SERPINB5: variants seen among roughly 807,000 people sequenced by gnomAD.
SERPINB5 encodes the protein serpin family B member 5, also known as serpin B5.
Under a neutral mutation model 32.2 loss-of-function variants are expected in SERPINB5, and 27 were observed. That is an observed-to-expected ratio of 0.84 (90% CI 0.62 to 1.16). The LOEUF (loss-of-function observed/expected upper bound fraction) is 1.16. Ranked by LOEUF, SERPINB5 falls within the 50% of genes most tolerant of loss-of-function variation. SERPINB5 has a pLI of 0.00. For missense variants in SERPINB5, 388 were observed against 436.3 expected (o/e 0.89, Z 0.99); for synonymous variants, 154 against 157.4 (o/e 0.98, Z 0.16).
chr18:63,490,776 A>C (rs1568110098), intron 4 of SERPINB5: 1 of 152,330 alleles, frequency 6.6e-6, no homozygotes. Context: ...CAATTTACTG[A>C]ACTGTAAAAT....
At chr18:63,487,515 G>A (rs1917234836) in intron 3 of SERPINB5, among the ~76,000 whole-genome samples, 1 of 152,136 alleles carries the variant, frequency 6.6e-6, no homozygotes, top group South Asian at 2.1e-4. Flanking sequence ...CATTTTTTAT[G>A]CACACATTCT....
rs1331733824 is a variant in SERPINB5, at chr18:63,503,457, TG to T, written c.865del (p.Glu289LysfsTer3). On this transcript the variant is annotated frameshift_variant, in exon 7 of 7. Coordinates refer to ENST00000382771, the MANE Select transcript of SERPINB5 (RefSeq NM_002639.5). LOFTEE classifies it high-confidence loss of function. Reference protein sequence around the residue: ...VEKMIDPKACLENLGLKHIFS... With the variant: ...VEKMIDPKACXENLGLKHIFS... ...AAGATGATTGATCCCAAGGCTTGTC[TG>T]GAAAATCTAGGGCTGAAACATATCT... The T allele has an allele frequency of 1.5e-5, 24 of 1,614,138 alleles. No individual in the cohort carries two copies. The highest frequency in any genetic ancestry group is 1.9e-5 in the Non-Finnish European group (23 of 1,180,058).
chr18:63,498,856 AGT>A lies in SERPINB5; in HGVS notation c.568-259_568-258del, dbSNP rs55681935. ...TATATATATATAGTATGTATATATA[AGT>A]GTGTATATATAGGTGTGTGTATATG... On this transcript the variant is annotated intron_variant, in intron 5 of 6. Coordinates refer to ENST00000382771, the MANE Select transcript of SERPINB5 (RefSeq NM_002639.5). This position sits in a 1 kb window ranked among gnomAD's most constrained non-coding sequence, Gnocchi z 4.2. 3.3e-5 allele frequency among the ~76,000 whole-genome samples: 5 copies of A among 149,428 alleles called. No individual in the cohort carries two copies. The highest frequency in any genetic ancestry group is 2.0e-4 in the East Asian group (1 of 5,106).
intron 1 of SERPINB5, among the ~76,000 whole-genome samples, chr18:63,481,606 T>G (rs536767631): frequency 6.6e-6 from 1 of 152,366 alleles, no homozygotes; most frequent in East Asian, 1.9e-4. Context: ...AACTCATTAC[T>G]TCTTGTACAT....
chr18:63,502,367 C>T (rs1367417234), intron 6 of SERPINB5, among the ~76,000 whole-genome samples: 1 of 152,040 alleles, frequency 6.6e-6, no homozygotes, highest in Non-Finnish European at 1.5e-5. Flanking sequence ...GATCTCCTGA[C>T]CTCGTGATCC....
At chr18:63,486,478 T>C (rs1195622366) in intron 2 of SERPINB5, among the ~76,000 whole-genome samples, 1 of 152,230 alleles carries the variant, frequency 6.6e-6, no homozygotes, top group Non-Finnish European at 1.5e-5. Context: ...GGTCTTTGAA[T>C]TGGATAGAAA....
At position 63,503,588 on chromosome 18, in the gene SERPINB5, G is replaced by A. The variant is rs149353823; in HGVS notation, c.994G>A (p.Asp332Asn). 1 of 1,614,244 alleles carries A rather than the reference G, an allele frequency of 6.2e-7. No homozygotes were observed. The highest frequency in any genetic ancestry group is 1.7e-5 in the Admixed American group (1 of 60,030). Residue 332 changes from aspartate (D) to asparagine (N), a missense_variant, in exon 7 of 7, where the codon GAT becomes AAT. Asp to Asn is a conservative substitution (Grantham distance 23). Coordinates refer to ENST00000382771, the MANE Select transcript of SERPINB5 (RefSeq NM_002639.5). ...CTTAGAAATAACTGAAGATGGTGGG[G>A]ATTCCATAGAGGTGCCAGGAGCACG... is the stretch of plus-strand genomic sequence containing the variant. ...VCLEITEDGG[D>N]SIEVPGARIL...
chr18:63,481,900 G>T (rs1434217308), intron 1 of SERPINB5, among the ~76,000 whole-genome samples: 4 of 152,166 alleles, frequency 2.6e-5, no homozygotes, highest in African/African-American at 9.7e-5. Flanking sequence ...AGGGGAGAAG[G>T]AGTAAGGTTG....
chr18:63,503,961 T>G lies in SERPINB5; in HGVS notation c.*239T>G. The G allele has an allele frequency of 2.0e-6, 1 of 498,752 alleles. No homozygotes were observed. The highest frequency in any genetic ancestry group is 3.6e-5 in the East Asian group (1 of 28,008). The allele number at this position is 498,752 out of a possible 1,614,324, so 30.9% of individuals were successfully genotyped here. On this transcript the variant is annotated 3_prime_UTR_variant, in exon 7 of 7. Coordinates refer to ENST00000382771, the MANE Select transcript of SERPINB5 (RefSeq NM_002639.5). Reference sequence around the variant, plus strand: ...GACATACGCTTTTAATGAAAAGGAATCACGTTAGAGGAAAAATATTTATTC... The same window carrying G: ...GACATACGCTTTTAATGAAAAGGAAGCACGTTAGAGGAAAAATATTTATTC...
At chr18:63,490,896 G>A (rs1909319554) in intron 4 of SERPINB5, among the ~76,000 whole-genome samples, 1 of 152,112 alleles carries the variant, frequency 6.6e-6, no homozygotes, top group African/African-American at 2.4e-5. Flanking sequence ...CTCTTTAGTG[G>A]TTACTTCTGA....
rs372867797 is a variant in SERPINB5 at position 63,492,425 on chromosome 18, C to G, written c.425-528C>G. Among the ~76,000 whole-genome samples, 46 of 152,302 alleles carry G rather than the reference C, an allele frequency of 3.0e-4. No individual in the cohort carries two copies. The East Asian group carries it at 6.2e-3, about 20-fold the overall frequency. On this transcript the variant is annotated intron_variant, in intron 4 of 6. Transcript: ENST00000382771. The stretch of plus-strand genomic sequence containing the variant: ...TGTAAAATGGAGATAATGATCTTTG[C>G]CTTATAGGACCATTGTGAAAAGACT...
At chr18:63,480,656 C>T (rs1472737205) in intron 1 of SERPINB5, among the ~76,000 whole-genome samples, 1 of 152,190 alleles carries the variant, frequency 6.6e-6, no homozygotes, top group African/African-American at 2.4e-5. Flanking sequence ...TCTTGCAACA[C>T]AGTCATGTGG....
At chr18:63,477,530 G>A (rs1917054813) in intron 1 of SERPINB5, among the ~76,000 whole-genome samples, 1 of 152,242 alleles carries the variant, frequency 6.6e-6, no homozygotes, top group Admixed American at 6.5e-5. Flanking sequence ...CTGAGATTTA[G>A]GCATATGGAC....
At position 63,503,972 on chromosome 18, in the gene SERPINB5, GA is replaced by G; in HGVS notation, c.*255del. 4.3e-6 allele frequency: 2 copies of G among 464,360 alleles called. No individual in the cohort carries two copies. Among genetic ancestry groups the G allele is most frequent in the Non-Finnish European group, 7.5e-6 (2 of 265,002 alleles). 28.8% of individuals were successfully genotyped at this position (464,360 alleles called of 1,614,324 possible). On this transcript the variant is annotated 3_prime_UTR_variant, in exon 7 of 7. Coordinates refer to ENST00000382771, the MANE Select transcript of SERPINB5 (RefSeq NM_002639.5). ...TTAATGAAAAGGAATCACGTTAGAG[GA>G]AAAATATTTATTCATTATTTGTCAA...
chr18:63,482,333 T>A (rs1410168377), intron 1 of SERPINB5, among the ~76,000 whole-genome samples: 1 of 152,188 alleles, frequency 6.6e-6, no homozygotes, highest in African/African-American at 2.4e-5. Flanking sequence ...TCCTCTATCT[T>A]AAGCAGTGGA....
chr18:63,489,975 G>A (rs4048352), intron 4 of SERPINB5, among the ~76,000 whole-genome samples: 72,362 of 151,604 alleles, frequency 0.48, 19,513 homozygotes, highest in Non-Finnish European at 0.62. Flanking sequence ...GGCGGATCAC[G>A]AGGTCAGGAG....
At chr18:63,503,293 T>C (rs767283798) in intron 6 of SERPINB5, 37 bp from the exon 7 acceptor site, 1 of 1,566,714 alleles carries the variant, frequency 6.4e-7, no homozygotes, top group South Asian at 1.2e-5. Flanking sequence ...CAGTTGGAAA[T>C]AAATAAAAAT....
chr18:63,482,687 C>T (rs1238248806), intron 1 of SERPINB5, among the ~76,000 whole-genome samples: 1 of 150,746 alleles, frequency 6.6e-6, no homozygotes, highest in Non-Finnish European at 1.5e-5. Context: ...ATCTGAGGAC[C>T]CTGTTACACT....
chr18:63,499,189 A>G lies in SERPINB5; in HGVS notation c.637A>G (p.Asn213Asp), dbSNP rs1477653183. 1 of 1,602,688 alleles carries G rather than the reference A, an allele frequency of 6.2e-7. No homozygotes were observed. ...CTGTATGGGAAACATTGACAGTATCAATTGTAAGATCATAGAGCTTCCTTT... is the reference window on the plus strand; with the variant it reads ...CTGTATGGGAAACATTGACAGTATCGATTGTAAGATCATAGAGCTTCCTTT... ...TFCMGNIDSI[N>D]CKIIELPFQN... Residue 213 changes from asparagine to aspartate, a missense_variant, in exon 6 of 7, where the codon AAT becomes GAT. By Grantham distance (23) the Asn-to-Asp change is conservative. Transcript: ENST00000382771.
Sources: gnomAD v4.1 joint callset for allele counts (sites outside exome capture counted in the v4.1 genomes callset) on GRCh38, gnomAD v4.1.1 for gene constraint, Gnocchi (gnomAD v3.1) non-coding constraint, MANE v1.5 for transcripts, NCBI Gene and HGNC (gene_info 2026-07-23, HGNC 2026-07-21) for gene names.